RAB22A: variants seen among roughly 807,000 people sequenced by gnomAD.
The protein encoded by RAB22A is RAB22A, member RAS oncogene family.
A neutral mutation model predicts 30.2 loss-of-function variants in RAB22A; 13 were observed. The ratio of observed to expected loss-of-function variants is 0.43; its 90% confidence interval spans 0.28 to 0.68. RAB22A has a LOEUF of 0.68. RAB22A is among the 30% of genes least tolerant of loss of function. The pLI, the probability that RAB22A is intolerant of heterozygous loss-of-function variation, is 0.18. For missense variants in RAB22A, 177 were observed against 246.8 expected (o/e 0.72, Z 1.89); for synonymous variants, 89 against 87.2 (o/e 1.02, Z -0.11).
chr20:58,356,812 T>C (rs1001762809), intron 6 of RAB22A, among the ~76,000 whole-genome samples: 5 of 152,248 alleles, frequency 3.3e-5, no homozygotes, highest in African/African-American at 1.2e-4. Context: ...TAGCTGTGAA[T>C]GATCCACTCT....
Position 58,345,775 on chromosome 20 carries a change from G to C in RAB22A, c.198+1976G>C, listed in dbSNP as rs142823577. 3 of 152,288 alleles carry C rather than the reference G, an allele frequency of 2.0e-5. No homozygotes were observed. In the East Asian group the frequency reaches 5.8e-4, roughly 29 times the overall value. The allele number at this position is 152,288 out of a possible 1,614,324, so 9.4% of individuals were successfully genotyped here. On this transcript the variant is annotated intron_variant, in intron 3 of 6. Coordinates refer to ENST00000244040, the MANE Select transcript of RAB22A (RefSeq NM_020673.3). ...AGGGACTGCCCGTTTATCCTGGGCA[G>C]TGCATTGAAGGTCCAGAATGTGCCA...
intron 2 of RAB22A, among the ~76,000 whole-genome samples, chr20:58,334,981 G>T (rs73915836): frequency 6.6e-6 from 1 of 151,970 alleles, no homozygotes; most frequent in Non-Finnish European, 1.5e-5. Context: ...TTTATAGCAG[G>T]CTTGTTCATT....
rs1986184678 is a variant in RAB22A, at chr20:58,309,879, G to T, written c.-98G>T. The stretch of plus-strand genomic sequence containing the variant: ...CCTCTGCGCGGACCGGGGCTGGGCC[G>T]TGCGGCGGCAGCGGCGCCAGGGGAT... On this transcript the variant is annotated 5_prime_UTR_variant, in exon 1 of 7. Coordinates refer to ENST00000244040, the MANE Select transcript of RAB22A (RefSeq NM_020673.3). 3 of 1,162,492 alleles carry T rather than the reference G, an allele frequency of 2.6e-6. No homozygotes were observed. Among genetic ancestry groups the T allele is most frequent in the Non-Finnish European group, 3.3e-6 (3 of 912,652 alleles). 72.0% of individuals were successfully genotyped at this position (1,162,492 alleles called of 1,614,324 possible).
At chr20:58,329,451 T>C (rs369187701) in intron 2 of RAB22A, among the ~76,000 whole-genome samples, 6 of 152,222 alleles carry the variant, frequency 3.9e-5, no homozygotes, top group Non-Finnish European at 7.3e-5. Flanking sequence ...CTGGCCTTCG[T>C]TGTTTTTGTT....
intron 2 of RAB22A, among the ~76,000 whole-genome samples, chr20:58,338,780 G>A (rs1284427391): frequency 5.3e-5 from 8 of 152,186 alleles, no homozygotes; most frequent in Non-Finnish European, 1.2e-4. Flanking sequence ...TAGATGTCAT[G>A]TGCCTTTGGT....
At chr20:58,329,059 T>TTG (rs1555853758) in intron 2 of RAB22A, among the ~76,000 whole-genome samples, 1 of 150,784 alleles carries the variant, frequency 6.6e-6, no homozygotes, top group African/African-American at 2.4e-5. Context: ...ATATTCCCTT[T>TTG]TTTTTTTTTT....
chr20:58,341,655 A>C lies in RAB22A; in HGVS notation c.117-2063A>C, dbSNP rs1394966903. On this transcript the variant is annotated intron_variant, in intron 2 of 6. Transcript: ENST00000244040. ...GACAGGGAGTTAGATTTAATCCTTC[A>C]GGGCACTTTCATTACATCATAGCTG... Among the ~76,000 whole-genome samples, 4 of 152,200 alleles carry C rather than the reference A, an allele frequency of 2.6e-5. No individual in the cohort carries two copies. In the East Asian group the frequency reaches 7.7e-4, roughly 29 times the overall value.
chr20:58,321,105 G>A (rs1361696888), intron 2 of RAB22A, among the ~76,000 whole-genome samples: 7 of 151,798 alleles, frequency 4.6e-5, no homozygotes, highest in African/African-American at 7.3e-5. Flanking sequence ...CAAGAGAATC[G>A]CTTGAACCCT....
intron 2 of RAB22A, among the ~76,000 whole-genome samples, chr20:58,318,767 TTC>T (rs1986394342): frequency 6.6e-6 from 1 of 152,172 alleles, no homozygotes; most frequent in South Asian, 2.1e-4. Flanking sequence ...TCCATTAAAG[TTC>T]TCTCATTGGG....
At chr20:58,324,520 T>C (rs1170594520) in intron 2 of RAB22A, among the ~76,000 whole-genome samples, 1 of 152,196 alleles carries the variant, frequency 6.6e-6, no homozygotes, top group Non-Finnish European at 1.5e-5. Flanking sequence ...TTCTAACTTC[T>C]TGAGATAGAC....
chr20:58,343,293 G>T (rs1444742837), intron 2 of RAB22A, among the ~76,000 whole-genome samples: 1 of 152,108 alleles, frequency 6.6e-6, no homozygotes, highest in African/African-American at 2.4e-5. Flanking sequence ...ACATGGGAAT[G>T]TGGTTTGGGA....
chr20:58,322,327 C>CTT (rs1331013717), intron 2 of RAB22A, among the ~76,000 whole-genome samples: 2 of 152,172 alleles, frequency 1.3e-5, no homozygotes, highest in Non-Finnish European at 2.9e-5. Flanking sequence ...TATATCTAAT[C>CTT]TGACAGTCTC....
chr20:58,343,868 T>A, intron 3 of RAB22A, 69 bp downstream of exon 3: 1 of 1,216,286 alleles, frequency 8.2e-7, no homozygotes, highest in Non-Finnish European at 1.2e-6. Context: ...ACTGTCAGCA[T>A]CCCTGTCATC....
At chr20:58,338,695 C>G (rs1054851284) in intron 2 of RAB22A, among the ~76,000 whole-genome samples, 1 of 152,164 alleles carries the variant, frequency 6.6e-6, no homozygotes, top group Non-Finnish European at 1.5e-5. Context: ...CACTGAGAAC[C>G]CATCAAGTTC....
rs553677468 is a variant in RAB22A at position 58,363,844 on chromosome 20, A to C, written c.*4141A>C. On this transcript the variant is annotated 3_prime_UTR_variant, in exon 7 of 7. Coordinates refer to ENST00000244040, the MANE Select transcript of RAB22A (RefSeq NM_020673.3). Reference sequence around the variant, plus strand: ...TCCTGCTGTGCTGTGATTTAAAAAAAAATAGTCTAAGAAACAAATTTATCC... The same window carrying C: ...TCCTGCTGTGCTGTGATTTAAAAAACAATAGTCTAAGAAACAAATTTATCC... 3 of 152,442 alleles carry C rather than the reference A, an allele frequency of 2.0e-5. No homozygotes were observed. The highest frequency in any genetic ancestry group is 2.0e-4 in the Admixed American group (3 of 15,302). 9.4% of individuals were successfully genotyped at this position (152,442 alleles called of 1,614,324 possible).
At chr20:58,314,517 A>G (rs1986297131) in intron 2 of RAB22A, among the ~76,000 whole-genome samples, 2 of 152,168 alleles carry the variant, frequency 1.3e-5, no homozygotes, top group Admixed American at 1.3e-4. Flanking sequence ...ACTGACATTT[A>G]AATATTGAAA....
rs192413388 is a variant in RAB22A at position 58,338,105 on chromosome 20, C to G, written c.117-5613C>G. Among the ~76,000 whole-genome samples the G allele has an allele frequency of 3.1e-3, 477 of 152,122 alleles. 2 individuals carry two copies. The highest frequency in any genetic ancestry group is 0.011 in the African/African-American group (457 of 41,496). ...GCTATGGCGCAATCTCAGCTCACTG[C>G]ATCCTCCATCTCCTGGGTTCAAGTA... On this transcript the variant is annotated intron_variant, in intron 2 of 6. Transcript: ENST00000244040.
intron 2 of RAB22A, among the ~76,000 whole-genome samples, chr20:58,340,359 T>TG (rs750775949): frequency 1.6e-4 from 24 of 152,192 alleles, no homozygotes; most frequent in Non-Finnish European, 2.8e-4. Context: ...TACTCAGCCT[T>TG]GCACTAGTTG....
chr20:58,324,333 T>TC (rs1231600570), intron 2 of RAB22A, among the ~76,000 whole-genome samples: 1 of 152,088 alleles, frequency 6.6e-6, no homozygotes, highest in Non-Finnish European at 1.5e-5. Context: ...TTTGACTCTT[T>TC]CATATACGTT....
Sources: allele counts gnomAD v4.1 joint callset (sites outside exome capture counted in the v4.1 genomes callset), GRCh38; gene constraint gnomAD v4.1.1; transcripts MANE v1.5; gene names NCBI Gene and HGNC (gene_info 2026-07-23, HGNC 2026-07-21).